STIM1: variants seen among roughly 807,000 people sequenced by gnomAD.
STIM1 encodes the protein stromal interaction molecule 1.
Under a neutral mutation model 74.7 loss-of-function variants are expected in STIM1, and 25 were observed. The observed-to-expected ratio is 0.33, with a 90% CI of 0.24 to 0.47. The LOEUF (loss-of-function observed/expected upper bound fraction) is 0.47, where lower values mean the gene tolerates loss of function less well. Ranked by LOEUF, STIM1 falls within the 20% of genes least tolerant of loss-of-function variation. STIM1 has a pLI of 1.00. For synonymous variants in STIM1, 328 were observed against 348.8 expected, an observed-to-expected ratio of 0.94 and a Z score of 0.66; for missense variants, 728 against 920.8, an observed-to-expected ratio of 0.79 and a Z score of 2.71.
At chr11:3,973,955 TG>T in intron 2 of STIM1, 1 of 579,124 alleles carries the variant, frequency 1.7e-6, no homozygotes, top group Non-Finnish European at 3.1e-6. Flanking sequence ...CATAGTTAAG[TG>T]GGCATGTGGT....
At chr11:4,043,398 T>C (rs2094163551) in intron 3 of STIM1, among the ~76,000 whole-genome samples, 3 of 152,202 alleles carry the variant, frequency 2.0e-5, no homozygotes. Flanking sequence ...ATTAGTACTT[T>C]TTAATTTTTT....
At chr11:3,929,243 C>T (rs953910685) in intron 1 of STIM1, among the ~76,000 whole-genome samples, 10 of 152,192 alleles carry the variant, frequency 6.6e-5, no homozygotes, top group African/African-American at 2.2e-4. Flanking sequence ...TTTTTTACTT[C>T]CTTTTTATGT....
chr11:3,985,145 G>T (rs564451387), intron 2 of STIM1, among the ~76,000 whole-genome samples: 2 of 152,256 alleles, frequency 1.3e-5, no homozygotes, highest in South Asian at 4.1e-4. Context: ...AAACCCGACG[G>T]TGGCTTGCTT....
Position 3,925,892 on chromosome 11 carries a change from T to A in STIM1, c.140-41660T>A, listed in dbSNP as rs1018626805. Among the ~76,000 whole-genome samples, 3 of 152,186 alleles carry A rather than the reference T, an allele frequency of 2.0e-5. No individual in the cohort carries two copies. In the East Asian group the frequency reaches 5.8e-4, roughly 29 times the overall value. ...TTAATATATCAGGCCCGGTAAAGATTTAGTTTATTGTTAATAATAAATTTA... is the reference window on the plus strand; with the variant it reads ...TTAATATATCAGGCCCGGTAAAGATATAGTTTATTGTTAATAATAAATTTA... On this transcript the variant is annotated intron_variant, in intron 1 of 12. Transcript: ENST00000526596.
At chr11:4,056,924 T>A (rs964799673) in intron 4 of STIM1, among the ~76,000 whole-genome samples, 1 of 152,206 alleles carries the variant, frequency 6.6e-6, no homozygotes, top group Non-Finnish European at 1.5e-5. Flanking sequence ...TCTGTCTTGT[T>A]CTAAATGCCC....
chr11:4,088,811 T>C, intron 12 of STIM1: 8 of 1,459,982 alleles, frequency 5.5e-6, no homozygotes, highest in Non-Finnish European at 6.5e-6. Flanking sequence ...TTGTTCTCAG[T>C]GATTCAGGGA....
chr11:3,888,315 C>A (rs904430246), intron 1 of STIM1, among the ~76,000 whole-genome samples: 1 of 152,062 alleles, frequency 6.6e-6, no homozygotes, highest in Non-Finnish European at 1.5e-5. Flanking sequence ...GATTGAGATG[C>A]TTTTATGGGG....
intron 1 of STIM1, among the ~76,000 whole-genome samples, chr11:3,883,015 GT>G (rs200844040): frequency 7.1e-6 from 1 of 141,480 alleles, no homozygotes; most frequent in Non-Finnish European, 1.6e-5. Flanking sequence ...AAACTAAGTT[GT>G]TTGTTTTTTT....
intron 1 of STIM1, among the ~76,000 whole-genome samples, chr11:3,925,125 G>T (rs757651923): frequency 6.6e-6 from 1 of 152,028 alleles, no homozygotes; most frequent in Non-Finnish European, 1.5e-5. Context: ...AGCTGGCTGC[G>T]GTGGCTCACG....
chr11:3,880,386 C>G (rs1459730222), intron 1 of STIM1, among the ~76,000 whole-genome samples: 1 of 152,034 alleles, frequency 6.6e-6, no homozygotes, highest in African/African-American at 2.4e-5. Flanking sequence ...AGAGGATGAG[C>G]TTGAATGCTG....
intron 1 of STIM1, among the ~76,000 whole-genome samples, chr11:3,903,810 C>A (rs762665161): frequency 9.2e-5 from 14 of 152,164 alleles, no homozygotes; most frequent in Non-Finnish European, 8.8e-5. Context: ...AAGACATAGT[C>A]TGTGTCCATG....
intron 3 of STIM1, among the ~76,000 whole-genome samples, chr11:4,042,818 G>A (rs1437358069): frequency 6.6e-6 from 1 of 152,020 alleles, no homozygotes; most frequent in African/African-American, 2.4e-5. Context: ...TTGAATGAAG[G>A]TACATATGAA....
chr11:3,872,297 C>T (rs576144944), intron 1 of STIM1, among the ~76,000 whole-genome samples: 1 of 152,184 alleles, frequency 6.6e-6, no homozygotes, highest in Admixed American at 6.5e-5. Context: ...AGGTGATCTG[C>T]CCGCCTTGGC....
At position 3,909,265 on chromosome 11, in the gene STIM1, G is replaced by A. The variant is rs568973861; in HGVS notation, c.139+52856G>A. On this transcript the variant is annotated intron_variant, in intron 1 of 12. Transcript: ENST00000526596. ...TAAAATGAGGGTGGGTTCAAGTGCC[G>A]TCCTAATAGAGCTTTGTCATTTCAA... 2.0e-5 allele frequency among the ~76,000 whole-genome samples: 3 copies of A among 152,252 alleles called. No individual in the cohort carries two copies. In the East Asian group the frequency reaches 5.8e-4, roughly 29 times the overall value.
At chr11:4,054,792 G>T (rs1046777452) in intron 3 of STIM1, among the ~76,000 whole-genome samples, 4 of 152,154 alleles carry the variant, frequency 2.6e-5, no homozygotes, top group African/African-American at 7.2e-5. Flanking sequence ...TGTATTGAGT[G>T]CCCTCCTCTC....
At chr11:3,860,310 T>C (rs2090548305) in intron 1 of STIM1, among the ~76,000 whole-genome samples, 1 of 152,238 alleles carries the variant, frequency 6.6e-6, no homozygotes, top group Non-Finnish European at 1.5e-5. Context: ...TAAATTCTTA[T>C]TACCATCCTG....
At chr11:3,924,676 A>T (rs926377362) in intron 1 of STIM1, among the ~76,000 whole-genome samples, 1 of 152,234 alleles carries the variant, frequency 6.6e-6, no homozygotes, top group Non-Finnish European at 1.5e-5. Flanking sequence ...CTTGCTTATG[A>T]ACAATTCAGG....
chr11:4,017,132 A>T (rs1161614998), intron 2 of STIM1, among the ~76,000 whole-genome samples: 1 of 152,190 alleles, frequency 6.6e-6, no homozygotes, highest in Non-Finnish European at 1.5e-5. Flanking sequence ...TTGGGAATGC[A>T]GAAATCACCC....
intron 1 of STIM1, among the ~76,000 whole-genome samples, chr11:3,898,993 A>G (rs907806498): frequency 6.6e-6 from 1 of 151,880 alleles, no homozygotes; most frequent in Non-Finnish European, 1.5e-5. Flanking sequence ...TGACTTGGCG[A>G]TGTGGGCTCT....
Sources: allele counts gnomAD v4.1 joint callset (sites outside exome capture counted in the v4.1 genomes callset), GRCh38; gene constraint gnomAD v4.1.1; transcripts MANE v1.5; gene names NCBI Gene and HGNC (gene_info 2026-07-23, HGNC 2026-07-21).